The following NCOR2 variants were observed in gnomAD, a reference collection of about 807,000 sequenced individuals.
NCOR2 encodes CTG repeat protein 26.
A neutral mutation model predicts 262.9 loss-of-function variants in NCOR2; 81 were observed. The ratio of observed to expected loss-of-function variants is 0.31; its 90% CI spans 0.26 to 0.37. The LOEUF is 0.37. NCOR2 is among the 10% of genes least tolerant of loss of function. The pLI is 1.00. For missense variants in NCOR2, 3,385 were observed against 3,621.4 expected (o/e 0.93, Z 1.68); for synonymous variants, 1,659 against 1,559.3 (o/e 1.06, Z -1.51).
At chr12:124,381,002 C>G (rs1391893818) in intron 17 of NCOR2, among the ~76,000 whole-genome samples, 2 of 152,152 alleles carry the variant, frequency 1.3e-5, no homozygotes, top group Non-Finnish European at 2.9e-5. Context: ...ATGCGCCAAG[C>G]GGTTTCTGGT....
chr12:124,547,671 C>T lies in NCOR2; in HGVS notation c.-164-12060G>A, dbSNP rs540297263. ...AACATGGAGTAGGTTCTCCCCAGGT[C>T]CCCTCCTTCCAGCCTCTGGCAACCA... On this transcript the variant is annotated intron_variant, in intron 1 of 32. Transcript: ENST00000458234. 3.9e-5 allele frequency among the ~76,000 whole-genome samples: 6 copies of T among 152,302 alleles called. 1 individual carries two copies. The East Asian group carries it at 5.8e-4, about 15-fold the overall frequency.
chr12:124,546,762 T>C (rs532476432), intron 1 of NCOR2, among the ~76,000 whole-genome samples: 1 of 152,158 alleles, frequency 6.6e-6, no homozygotes, highest in African/African-American at 2.4e-5. Context: ...TGATGAGATC[T>C]TGCACCGTCG....
At chr12:124,400,620 G>A in exon 15 of NCOR2, 7 of 1,614,170 alleles carry the variant, frequency 4.3e-6, no homozygotes, top group Non-Finnish European at 5.1e-6. Flanking sequence ...GCCTTTGGAG[G>A]CCACAGCCTC....
Position 124,531,147 on chromosome 12 carries a change from CAGG to C in NCOR2, c.-118+4415_-118+4417del, listed in dbSNP as rs1266576551. Among the ~76,000 whole-genome samples the C allele has an allele frequency of 6.6e-6, 1 of 152,166 alleles. No homozygotes were observed. Among genetic ancestry groups the C allele is most frequent in the Non-Finnish European group, 1.5e-5 (1 of 68,030 alleles). ...AACACAGGCACATGAGAGGTCATTT[CAGG>C]AGAAGGACGTCTGGGAGGCATCCAC... On this transcript the variant is annotated intron_variant, in intron 1 of 46. Coordinates refer to the NCOR2 transcript ENST00000404621. This position sits in a 1 kb window ranked among gnomAD's most constrained non-coding sequence, Gnocchi z 4.5.
At position 124,343,236 on chromosome 12, in the gene NCOR2, G is replaced by C. The variant is rs2135835880; in HGVS notation, c.4715-10C>G. ...CTGGACGAAAGGCTGCCTGTGGACG[G>C]GCAAGGTGGATGCATCGGGCCTCTG... On this transcript the variant is annotated splice_polypyrimidine_tract_variant and intron_variant, in intron 32 of 46. Transcript: ENST00000405201. The C allele has an allele frequency of 6.2e-7, 1 of 1,606,688 alleles. No individual in the cohort carries two copies. The highest frequency in any genetic ancestry group is 2.2e-5 in the East Asian group (1 of 44,728).
At chr12:124,505,692 G>A (rs1038056908) in intron 1 of NCOR2, among the ~76,000 whole-genome samples, 1 of 152,156 alleles carries the variant, frequency 6.6e-6, no homozygotes, top group African/African-American at 2.4e-5. Flanking sequence ...CAAGAATCTC[G>A]GTGCAGTTCT....
At chr12:124,455,272 A>C (rs924682780) in intron 6 of NCOR2, among the ~76,000 whole-genome samples, 4 of 152,230 alleles carry the variant, frequency 2.6e-5, no homozygotes, top group Non-Finnish European at 1.5e-5. Flanking sequence ...AAAACAAAAA[A>C]ACAAGCAAGC....
At chr12:124,493,122 CAGG>C (rs982244931) in intron 1 of NCOR2, among the ~76,000 whole-genome samples, 13 of 152,252 alleles carry the variant, frequency 8.5e-5, no homozygotes, top group African/African-American at 2.4e-4. Context: ...GACGGCCCAG[CAGG>C]AGAAGAATGG....
chr12:124,358,138 T>C (rs1436561813), intron 22 of NCOR2, among the ~76,000 whole-genome samples: 2 of 143,868 alleles, frequency 1.4e-5, no homozygotes, highest in East Asian at 2.1e-4. Flanking sequence ...GATGTGTGTG[T>C]GTGCATGGAT....
upstream of NCOR2, chr12:124,538,630 G>A (rs141107558): frequency 1.6e-3 from 246 of 152,902 alleles, 3 homozygotes; most frequent in Middle Eastern, 0.041. Context: ...CGTGGAGCGC[G>A]GGTGAGGGCA....
chr12:124,427,657 C>T (rs947570982), intron 10 of NCOR2, among the ~76,000 whole-genome samples: 6 of 152,208 alleles, frequency 3.9e-5, no homozygotes, highest in Non-Finnish European at 8.8e-5. Context: ...AGAATCCCCC[C>T]AAGAGGCTGG....
intron 1 of NCOR2, among the ~76,000 whole-genome samples, chr12:124,487,748 A>G (rs1049031549): frequency 1.4e-4 from 21 of 152,364 alleles, no homozygotes; most frequent in Middle Eastern, 6.8e-3. Flanking sequence ...CTGCTTAACA[A>G]GAGTCCAAAT....
intron 7 of NCOR2, among the ~76,000 whole-genome samples, chr12:124,447,464 T>A (rs2045248515): frequency 6.6e-6 from 1 of 152,236 alleles, no homozygotes; most frequent in African/African-American, 2.4e-5. Flanking sequence ...TTTGTTTAGA[T>A]TCTATGGCTG....
intron 13 of NCOR2, among the ~76,000 whole-genome samples, chr12:124,409,337 G>T (rs1405744569): frequency 6.6e-6 from 1 of 152,206 alleles, no homozygotes; most frequent in Non-Finnish European, 1.5e-5. Context: ...GCATGTTCCT[G>T]CTTCAGGGCC....
At chr12:124,341,747 C>T (rs1019871102) in intron 34 of NCOR2, 76 bp downstream of exon 36, 56 of 1,533,876 alleles carry the variant, frequency 3.7e-5, no homozygotes, top group African/African-American at 9.5e-5. Context: ...GCTGCCTCCG[C>T]GAGGCCACAG....
chr12:124,370,311 A>G (rs2039396285), intron 20 of NCOR2, among the ~76,000 whole-genome samples: 1 of 152,248 alleles, frequency 6.6e-6, no homozygotes, highest in African/African-American at 2.4e-5. Flanking sequence ...TCCTGTTGGC[A>G]GTGGTTCCTG....
At chr12:124,423,592 C>A (rs2043348480) in intron 11 of NCOR2, among the ~76,000 whole-genome samples, 1 of 152,232 alleles carries the variant, frequency 6.6e-6, no homozygotes, top group Non-Finnish European at 1.5e-5. Flanking sequence ...CCGGAGCCAT[C>A]CTAAGGCCCT....
At chr12:124,553,227 G>C (rs963153249) in intron 1 of NCOR2, among the ~76,000 whole-genome samples, 2 of 152,110 alleles carry the variant, frequency 1.3e-5, no homozygotes, top group African/African-American at 4.8e-5. Flanking sequence ...TTCTTATAAA[G>C]ACCACTGTGA....
chr12:124,334,653 A>G, intron 40 of NCOR2, 36 bp from the exon 43 acceptor site: 2 of 1,124,776 alleles, frequency 1.8e-6, no homozygotes, highest in Non-Finnish European at 2.3e-6. Flanking sequence ...GTCAGGCAGC[A>G]CTCTCCTGAC....
Sources: gnomAD v4.1 joint callset for allele counts (sites outside exome capture counted in the v4.1 genomes callset) on GRCh38, gnomAD v4.1.1 for gene constraint, Gnocchi (gnomAD v3.1) non-coding constraint, MANE v1.5 for transcripts, NCBI Gene and HGNC (gene_info 2026-07-23, HGNC 2026-07-21) for gene names.